SINHCAF: variants seen among roughly 807,000 people sequenced by gnomAD.
SINHCAF encodes the protein SIN3-HDAC complex associated factor.
A neutral mutation model predicts 25.8 loss-of-function variants in SINHCAF; 3 were observed. The observed-to-expected ratio is 0.12, with a 90% confidence interval of 0.05 to 0.30. The LOEUF (loss-of-function observed/expected upper bound fraction) is 0.30. SINHCAF is among the 10% of genes least tolerant of loss of function. The pLI is 1.00. For synonymous variants in SINHCAF, 70 were observed against 85.5 expected, an observed-to-expected ratio of 0.82 and a Z score of 1.00; for missense variants, 121 against 262.3, an observed-to-expected ratio of 0.46 and a Z score of 3.72.
intron 5 of SINHCAF, among the ~76,000 whole-genome samples, chr12:31,286,247 A>T (rs1938058777): frequency 6.6e-6 from 1 of 152,098 alleles, no homozygotes; most frequent in African/African-American, 2.4e-5. Context: ...TTGTCTAAGT[A>T]AAAAAGTTTC....
At chr12:31,321,698 C>T (rs1723236330) in intron 1 of SINHCAF, among the ~76,000 whole-genome samples, 1 of 152,182 alleles carries the variant, frequency 6.6e-6, no homozygotes, top group African/African-American at 2.4e-5. Context: ...CTTCGTGCCT[C>T]AATACATGTG....
chr12:31,324,624 C>A lies in SINHCAF; in HGVS notation c.-21+1400G>T. The A allele has an allele frequency of 3.8e-6, 1 of 260,538 alleles. No individual in the cohort carries two copies. The highest frequency in any genetic ancestry group is 7.7e-6 in the Non-Finnish European group (1 of 129,512). The allele number at this position is 260,538 out of a possible 1,614,324, so 16.1% of individuals were successfully genotyped here. ...TACGCCCAGGCGGCGGCCCCGAGCG[C>A]CGGGGGCCCGCACGGGCACATGCAG... On this transcript the variant is annotated intron_variant, in intron 1 of 5. Transcript: ENST00000337682. The surrounding 1 kb of genome is among the most constrained non-coding windows in gnomAD (Gnocchi z 5.5).
At chr12:31,289,660 T>C (rs983758178) in intron 4 of SINHCAF, among the ~76,000 whole-genome samples, 12 of 152,180 alleles carry the variant, frequency 7.9e-5, no homozygotes, top group Admixed American at 3.9e-4. Context: ...GGGCCTACCA[T>C]ACACCTTGCC....
intron 1 of SINHCAF, among the ~76,000 whole-genome samples, chr12:31,323,338 T>A (rs975548397): frequency 6.6e-6 from 1 of 152,234 alleles, no homozygotes; most frequent in Admixed American, 6.5e-5. Flanking sequence ...AAAAGGCTTT[T>A]CAAGTCTGGC....
chr12:31,324,768 G>A lies in SINHCAF; in HGVS notation c.-21+1256C>T. The A allele has an allele frequency of 2.8e-6, 1 of 354,726 alleles. No individual in the cohort carries two copies. Among genetic ancestry groups the A allele is most frequent in the Non-Finnish European group, 5.6e-6 (1 of 177,678 alleles). 22.0% of individuals were successfully genotyped at this position (354,726 alleles called of 1,614,324 possible). On this transcript the variant is annotated intron_variant, in intron 1 of 5. Transcript: ENST00000337682. This position sits in a 1 kb window ranked among gnomAD's most constrained non-coding sequence, Gnocchi z 5.5. ...GGTAGGGGTCCGGACCCCGCGCCCC[G>A]AAGAGTCCGGAGCCTGGCCCCCCGA...
intron 4 of SINHCAF, among the ~76,000 whole-genome samples, chr12:31,292,811 C>T (rs1298977078): frequency 6.6e-6 from 1 of 152,156 alleles, no homozygotes; most frequent in Non-Finnish European, 1.5e-5. Flanking sequence ...ACTTTACCGT[C>T]ACTAAACTTA....
At chr12:31,313,047 G>A (rs566099330) in intron 1 of SINHCAF, among the ~76,000 whole-genome samples, 49 of 151,998 alleles carry the variant, frequency 3.2e-4, no homozygotes, top group Admixed American at 2.9e-3. Flanking sequence ...TTTTTGAGAC[G>A]CAGTTTTGCT....
At chr12:31,285,377 GTC>G (rs144868057) in intron 5 of SINHCAF, among the ~76,000 whole-genome samples, 7 of 148,498 alleles carry the variant, frequency 4.7e-5, no homozygotes, top group African/African-American at 1.5e-4. Flanking sequence ...GACAGAGTGA[GTC>G]TCTCTCTCTC....
intron 1 of SINHCAF, 53 bp from the exon 2 acceptor site, chr12:31,298,277 C>T (rs1337352631): frequency 2.5e-6 from 4 of 1,600,242 alleles, no homozygotes; most frequent in Non-Finnish European, 1.7e-6. Flanking sequence ...AACAAGGAAC[C>T]ATTAAAGAGT....
chr12:31,304,286 G>A (rs1352235861), intron 1 of SINHCAF: 1 of 152,192 alleles, frequency 6.6e-6, no homozygotes, highest in Non-Finnish European at 1.5e-5. Flanking sequence ...TTTAAAACAT[G>A]AGTGAGCCAT....
At position 31,301,201 on chromosome 12, in the gene SINHCAF, TAA is replaced by T. The variant is rs1938778028; in HGVS notation, c.-20-2979_-20-2978del. On this transcript the variant is annotated intron_variant, in intron 1 of 5. Transcript: ENST00000337682. ...TTTTTAATCAGCAGCCATTGTGAAT[TAA>T]GTGTTCCTCTTCAATGATTTTTTTC... Among the ~76,000 whole-genome samples the T allele has an allele frequency of 2.0e-5, 3 of 152,356 alleles. No homozygotes were observed. The South Asian group carries it at 6.2e-4, about 32-fold the overall frequency.
At position 31,281,368 on chromosome 12, in the gene SINHCAF, TTTAG is replaced by T. The variant is rs1249178955; in HGVS notation, c.*1340_*1343del. On this transcript the variant is annotated 3_prime_UTR_variant, in exon 6 of 6. Coordinates refer to ENST00000337682, the MANE Select transcript of SINHCAF (RefSeq NM_001135812.2). The stretch of plus-strand genomic sequence containing the variant: ...TAATGTGAACACAAACCTCTTTTCT[TTTAG>T]TAAGTTTTACTTTTAATACAGAGTG... The T allele has an allele frequency of 2.0e-5, 3 of 152,192 alleles. No individual in the cohort carries two copies. Among genetic ancestry groups the T allele is most frequent in the Non-Finnish European group, 4.4e-5 (3 of 68,038 alleles). 9.4% of individuals were successfully genotyped at this position (152,192 alleles called of 1,614,324 possible).
At chr12:31,313,333 ACT>A (rs1344487153) in intron 1 of SINHCAF, among the ~76,000 whole-genome samples, 2 of 151,796 alleles carry the variant, frequency 1.3e-5, no homozygotes, top group Non-Finnish European at 2.9e-5. Flanking sequence ...AGCCAAGATC[ACT>A]CTTTTCTTTA....
intron 4 of SINHCAF, among the ~76,000 whole-genome samples, chr12:31,290,616 A>T (rs1310466138): frequency 2.0e-5 from 3 of 152,246 alleles, no homozygotes; most frequent in African/African-American, 7.2e-5. Context: ...AATAATTAAC[A>T]TCAACAGACA....
Position 31,325,720 on chromosome 12 carries a change from C to G in SINHCAF, c.-21+304G>C, listed in dbSNP as rs1019446287. 1 of 165,608 alleles carries G rather than the reference C, an allele frequency of 6.0e-6. No homozygotes were observed. The highest frequency in any genetic ancestry group is 1.4e-4 in the South Asian group (1 of 7,164). The allele number at this position is 165,608 out of a possible 1,614,324, so 10.3% of individuals were successfully genotyped here. On this transcript the variant is annotated intron_variant, in intron 1 of 5. Transcript: ENST00000337682. This position sits in a 1 kb window ranked among gnomAD's most constrained non-coding sequence, Gnocchi z 5.9. ...ATTGTCACCTTCAACGTGGATCCCT[C>G]AACTCCGGCGACTCCTCAATTATGC...
At chr12:31,297,902 A>T (rs1316371131) in intron 2 of SINHCAF, among the ~76,000 whole-genome samples, 175 bp downstream of exon 2, 1 of 152,182 alleles carries the variant, frequency 6.6e-6, no homozygotes, top group Non-Finnish European at 1.5e-5. Context: ...TCTGGAAAAA[A>T]GTAGGCTGTC....
intron 1 of SINHCAF, among the ~76,000 whole-genome samples, chr12:31,313,251 T>C (rs1235151223): frequency 6.6e-6 from 1 of 152,194 alleles, no homozygotes; most frequent in African/African-American, 2.4e-5. Flanking sequence ...GGTCTCGAAC[T>C]CCTGACCTCA....
chr12:31,297,097 C>T (rs1196390412), intron 2 of SINHCAF: 1 of 384,168 alleles, frequency 2.6e-6, no homozygotes, highest in African/African-American at 2.1e-5. Flanking sequence ...AAATTACTTT[C>T]ACCACTTTTT....
At chr12:31,292,158 G>C (rs77499780) in intron 4 of SINHCAF, among the ~76,000 whole-genome samples, 2,661 of 152,164 alleles carry the variant, frequency 0.017, 48 homozygotes, top group African/African-American at 0.043. Flanking sequence ...TCAGTTCCTC[G>C]GCCTTCAAGT....
Sources: gnomAD v4.1 joint callset for allele counts (sites outside exome capture counted in the v4.1 genomes callset) on GRCh38, gnomAD v4.1.1 for gene constraint, Gnocchi (gnomAD v3.1) non-coding constraint, MANE v1.5 for transcripts, NCBI Gene and HGNC (gene_info 2026-07-23, HGNC 2026-07-21) for gene names.